SSPN: variants seen among roughly 807,000 people sequenced by gnomAD.
SSPN encodes the protein sarcospan, also known as K-ras oncogene-associated protein.
Under a neutral mutation model 19.1 loss-of-function variants are expected in SSPN, and 15 were observed. That is an observed-to-expected ratio of 0.78 (90% CI 0.52 to 1.21). The LOEUF (loss-of-function observed/expected upper bound fraction) is 1.21. SSPN is among the 50% of genes most tolerant of loss of function. SSPN has a pLI of 0.00. For missense variants in SSPN, 291 were observed against 314.0 expected, an observed-to-expected ratio of 0.93 and a Z score of 0.55; for synonymous variants, 147 against 140.3, an observed-to-expected ratio of 1.05 and a Z score of -0.34.
At chr12:26,207,790 G>A (rs1434389706) in intron 1 of SSPN, among the ~76,000 whole-genome samples, 1 of 152,136 alleles carries the variant, frequency 6.6e-6, no homozygotes, top group South Asian at 2.1e-4. Flanking sequence ...GAGCCTAGGA[G>A]TTCAAGCCTG....
At chr12:26,219,373 T>C (rs958238549) in intron 1 of SSPN, among the ~76,000 whole-genome samples, 1 of 151,942 alleles carries the variant, frequency 6.6e-6, no homozygotes, top group Non-Finnish European at 1.5e-5. Flanking sequence ...GTCCAGTATC[T>C]ACCTTTTATT....
intron 1 of SSPN, among the ~76,000 whole-genome samples, chr12:26,163,272 A>G (rs1381580191): frequency 6.6e-6 from 1 of 152,184 alleles, no homozygotes; most frequent in East Asian, 1.9e-4. Flanking sequence ...GGCAATTAAT[A>G]CCTTCTCTAT....
Position 26,230,949 on chromosome 12 carries a change from AT to A in SSPN, c.608del (p.Leu203TrpfsTer13). 6.2e-7 allele frequency: 1 copy of A among 1,614,094 alleles called. No individual in the cohort carries two copies. ...KLFLLIQMIL[N>X]LVCGLVCLLA... Reference sequence around the variant, plus strand: ...TTCTTACTCATCCAGATGATTCTTAATTTGGTCTGCGGCCTTGTGTGCTTGT... The same window carrying A: ...TTCTTACTCATCCAGATGATTCTTAATTGGTCTGCGGCCTTGTGTGCTTGT... On this transcript the variant is annotated frameshift_variant, in exon 3 of 3. Coordinates refer to ENST00000242729, the MANE Select transcript of SSPN (RefSeq NM_005086.5). LOFTEE classifies it high-confidence loss of function.
chr12:26,140,366 T>C (rs537855319), intron 1 of SSPN, among the ~76,000 whole-genome samples: 49 of 152,194 alleles, frequency 3.2e-4, no homozygotes, highest in Non-Finnish European at 6.0e-4. Context: ...ATTGAACCTA[T>C]CAGCAAGTTC....
chr12:26,219,559 C>T (rs1945097035), intron 1 of SSPN, among the ~76,000 whole-genome samples: 1 of 152,330 alleles, frequency 6.6e-6, no homozygotes, highest in East Asian at 1.9e-4. Flanking sequence ...GCAGACTTCA[C>T]TCTGCATGGA....
At chr12:26,199,345 A>G (rs1944857783) in intron 1 of SSPN, among the ~76,000 whole-genome samples, 1 of 152,218 alleles carries the variant, frequency 6.6e-6, no homozygotes, top group Non-Finnish European at 1.5e-5. Context: ...AGATGATTGA[A>G]GTCTTTTTAC....
intron 2 of SSPN, among the ~76,000 whole-genome samples, chr12:26,228,980 T>C (rs1945204479): frequency 6.6e-6 from 1 of 152,098 alleles, no homozygotes; most frequent in Non-Finnish European, 1.5e-5. Context: ...ACTCCATCTC[T>C]TAAAAAAAAT....
At chr12:26,209,895 T>G (rs945467338) in intron 1 of SSPN, among the ~76,000 whole-genome samples, 1 of 151,926 alleles carries the variant, frequency 6.6e-6, no homozygotes, top group Non-Finnish European at 1.5e-5. Context: ...TGTTTGCTAA[T>G]TTTGGTTTGT....
Position 26,200,554 on chromosome 12 carries a change from A to G in SSPN, c.279+4603A>G, listed in dbSNP as rs1264763564. Among the ~76,000 whole-genome samples the G allele has an allele frequency of 7.2e-5, 11 of 152,326 alleles. No individual in the cohort carries two copies. In the East Asian group the frequency reaches 2.1e-3, roughly 29 times the overall value. ...TCAGAATTTATAAGTAGGGAAAGTAAGATAATAATTTAGCTAAATGGTTTG... is the reference window on the plus strand; with the variant it reads ...TCAGAATTTATAAGTAGGGAAAGTAGGATAATAATTTAGCTAAATGGTTTG... On this transcript the variant is annotated intron_variant, in intron 1 of 2. Transcript: ENST00000242729.
chr12:26,200,896 C>T (rs73292998), intron 1 of SSPN, among the ~76,000 whole-genome samples: 29,421 of 150,552 alleles, frequency 0.2, 3,051 homozygotes, highest in African/African-American at 0.24. Context: ...TCAATCTCCA[C>T]TGAATACATA....
chr12:26,190,332 T>C (rs6487540), intron 1 of SSPN, among the ~76,000 whole-genome samples: 103,472 of 152,080 alleles, frequency 0.68, 36,625 homozygotes, highest in East Asian at 0.78. Flanking sequence ...CCAGCCACCA[T>C]GTTGTGAGGA....
chr12:26,173,251 G>A (rs1330859487), intron 1 of SSPN, among the ~76,000 whole-genome samples: 1 of 152,120 alleles, frequency 6.6e-6, no homozygotes, highest in Non-Finnish European at 1.5e-5. Context: ...AAAAGAGCGT[G>A]GGGACAAATG....
At chr12:26,146,168 G>T (rs1158649942) in intron 1 of SSPN, among the ~76,000 whole-genome samples, 1 of 152,240 alleles carries the variant, frequency 6.6e-6, no homozygotes, top group Non-Finnish European at 1.5e-5. Flanking sequence ...AAGTGGGGCA[G>T]GTGGTGGTGG....
chr12:26,139,872 A>G (rs534138648), intron 1 of SSPN, among the ~76,000 whole-genome samples: 1 of 152,186 alleles, frequency 6.6e-6, no homozygotes, highest in African/African-American at 2.4e-5. Context: ...TTTATCAGCA[A>G]TTTCTGAAGC....
intron 1 of SSPN, among the ~76,000 whole-genome samples, chr12:26,203,448 A>T (rs1173987009): frequency 7.7e-6 from 1 of 129,098 alleles, no homozygotes; most frequent in Admixed American, 7.3e-5. Flanking sequence ...AACTTCTTTT[A>T]AAAAAATAGA....
intron 1 of SSPN, among the ~76,000 whole-genome samples, chr12:26,197,012 G>A (rs1042896420): frequency 1.3e-5 from 2 of 152,216 alleles, no homozygotes; most frequent in Non-Finnish European, 2.9e-5. Flanking sequence ...ACTTTGAAGT[G>A]GGAACTGTTA....
intron 1 of SSPN, among the ~76,000 whole-genome samples, chr12:26,198,219 A>AGTG (rs1343082992): frequency 6.6e-6 from 1 of 152,074 alleles, no homozygotes; most frequent in Non-Finnish European, 1.5e-5. Context: ...GCTAGAATGC[A>AGTG]GTGGCACGAT....
chr12:26,201,034 TA>T (rs1321769591), intron 1 of SSPN, among the ~76,000 whole-genome samples: 1 of 55,858 alleles, frequency 1.8e-5, no homozygotes, highest in African/African-American at 6.4e-5. Flanking sequence ...TATATATATA[TA>T]TATATATATA....
chr12:26,171,513 T>C (rs1944653444), intron 1 of SSPN, among the ~76,000 whole-genome samples: 2 of 152,198 alleles, frequency 1.3e-5, no homozygotes, highest in Non-Finnish European at 2.9e-5. Flanking sequence ...CAGAGACTGC[T>C]TGATATGTTC....
Sources: gnomAD v4.1 joint callset for allele counts (sites outside exome capture counted in the v4.1 genomes callset) on GRCh38, gnomAD v4.1.1 for gene constraint, MANE v1.5 for transcripts, NCBI Gene and HGNC (gene_info 2026-07-23, HGNC 2026-07-21) for gene names.